Variants in FAM107B observed in about 807,000 individuals in gnomAD.
FAM107B encodes protein FAM107B.
In FAM107B, 21 loss-of-function variants were observed where a neutral mutation model predicts 31.5. The ratio of observed to expected loss-of-function variants is 0.67; its 90% CI spans 0.47 to 0.96. The LOEUF (loss-of-function observed/expected upper bound fraction) is 0.96. Ranked by LOEUF, FAM107B falls within the 40% of genes least tolerant of loss-of-function variation. The probability of loss-of-function intolerance (pLI) is 0.00; values close to 1 mark genes in which losing one functional copy is unlikely to be tolerated. For synonymous variants in FAM107B, 157 were observed against 141.5 expected (o/e 1.11, Z -0.78); for missense variants, 452 against 377.1 (o/e 1.20, Z -1.64).
chr10:14,745,734 T>G (rs74479352), intron 1 of FAM107B, among the ~76,000 whole-genome samples: 310 of 152,306 alleles, frequency 2.0e-3, no homozygotes, highest in African/African-American at 7.2e-3. Context: ...TGTGGTTGAT[T>G]TTAGTGAGTG....
intron 1 of FAM107B, among the ~76,000 whole-genome samples, chr10:14,685,123 C>T (rs1456446805): frequency 6.7e-6 from 1 of 148,728 alleles, no homozygotes; most frequent in Non-Finnish European, 1.5e-5. Flanking sequence ...TCGTCACGCC[C>T]AGCCAATAAC....
chr10:14,658,071 C>A (rs1854116090), intron 2 of FAM107B, among the ~76,000 whole-genome samples: 2 of 152,196 alleles, frequency 1.3e-5, no homozygotes, highest in Non-Finnish European at 2.9e-5. Flanking sequence ...TTCGGCCCCC[C>A]AAAGTGCTGG....
chr10:14,674,332 T>A (rs1417895946), intron 1 of FAM107B, among the ~76,000 whole-genome samples: 1 of 152,058 alleles, frequency 6.6e-6, no homozygotes, highest in Non-Finnish European at 1.5e-5. Flanking sequence ...TGGGAGAAAA[T>A]ATTTGCAAAC....
intron 2 of FAM107B, among the ~76,000 whole-genome samples, chr10:14,573,799 C>T (rs897564571): frequency 8.6e-5 from 13 of 151,954 alleles, no homozygotes; most frequent in African/African-American, 3.1e-4. Context: ...TATTCCACTA[C>T]GGCAGCATAG....
At chr10:14,642,675 G>A (rs1317619555) in intron 2 of FAM107B, among the ~76,000 whole-genome samples, 2 of 151,896 alleles carry the variant, frequency 1.3e-5, no homozygotes, top group East Asian at 1.9e-4. Flanking sequence ...TGTTTCTTTT[G>A]GCTTAATAAT....
At chr10:14,544,687 A>T (rs1237465927) in intron 2 of FAM107B, among the ~76,000 whole-genome samples, 1 of 152,222 alleles carries the variant, frequency 6.6e-6, no homozygotes, top group Non-Finnish European at 1.5e-5. Context: ...ATCAACAGAG[A>T]TGTAGACAAG....
chr10:14,687,810 C>T (rs1855026041), intron 1 of FAM107B, among the ~76,000 whole-genome samples: 1 of 152,202 alleles, frequency 6.6e-6, no homozygotes, highest in Admixed American at 6.5e-5. Flanking sequence ...TCCCTGCACA[C>T]ACATACACAA....
Position 14,556,260 on chromosome 10 carries a change from CGACT to C in FAM107B, c.470-25749_470-25746del, listed in dbSNP as rs1223905089. The C allele has an allele frequency of 1.5e-5, 12 of 777,658 alleles. No individual in the cohort carries two copies. In the South Asian group the frequency reaches 5.3e-4, roughly 34 times the overall value. 48.2% of individuals were successfully genotyped at this position (777,658 alleles called of 1,614,324 possible). A position where few individuals can be genotyped will look rare whatever the true frequency, so the allele number is the denominator to read the frequency against. ...CCCTCGTCCTTCCTGTCATCAGAAC[CGACT>C]GACTGGAAGGCCAGTAATTTGATAT... On this transcript the variant is annotated intron_variant, in intron 2 of 4. Transcript: ENST00000181796.
chr10:14,696,460 CTT>C (rs1855267713), intron 1 of FAM107B, among the ~76,000 whole-genome samples: 1 of 151,852 alleles, frequency 6.6e-6, no homozygotes, highest in East Asian at 1.9e-4. Flanking sequence ...CTTGTAATGT[CTT>C]TGCCTGGCTT....
intron 1 of FAM107B, among the ~76,000 whole-genome samples, chr10:14,678,341 A>AT (rs1464356680): frequency 6.6e-6 from 1 of 152,170 alleles, no homozygotes; most frequent in Non-Finnish European, 1.5e-5. Flanking sequence ...TTTTCTGTCC[A>AT]TTGAACACTA....
intron 2 of FAM107B, among the ~76,000 whole-genome samples, chr10:14,579,379 C>G (rs1314339252): frequency 1.3e-5 from 2 of 152,166 alleles, no homozygotes; most frequent in South Asian, 4.1e-4. Context: ...CTTCAGAAGC[C>G]AGTTACCCGG....
At chr10:14,730,331 A>C (rs1856144542) in intron 1 of FAM107B, among the ~76,000 whole-genome samples, 1 of 152,226 alleles carries the variant, frequency 6.6e-6, no homozygotes, top group African/African-American at 2.4e-5. Context: ...AAAGACGAGA[A>C]CCACTGAACT....
rs547261148 is a variant in FAM107B, at chr10:14,689,413, A to T, written c.412-21722T>A. ...AAAAAAAGAATAAAAATTTTCTTTT[A>T]AAAAAAGAAGCTCCTAGAGAAGGAA... is the stretch of plus-strand genomic sequence containing the variant. On this transcript the variant is annotated intron_variant, in intron 1 of 4. Transcript: ENST00000181796. Among the ~76,000 whole-genome samples, 9 of 151,682 alleles carry T rather than the reference A, an allele frequency of 5.9e-5. No homozygotes were observed. In the South Asian group the frequency reaches 1.5e-3, roughly 25 times the overall value.
intron 2 of FAM107B, among the ~76,000 whole-genome samples, chr10:14,641,888 A>G (rs1241241132): frequency 1.3e-5 from 2 of 152,188 alleles, no homozygotes; most frequent in African/African-American, 4.8e-5. Flanking sequence ...AACAGCTCCA[A>G]GAGTCTTAAC....
intron 1 of FAM107B, among the ~76,000 whole-genome samples, chr10:14,672,094 T>TAA (rs34770517): frequency 3.0e-4 from 4 of 13,404 alleles, no homozygotes; most frequent in South Asian, 4.2e-3. Context: ...TTTTTATTTT[T>TAA]TATTTATTTA....
rs572209083 is a variant in FAM107B, at chr10:14,681,235, T to C, written c.412-13544A>G. Among the ~76,000 whole-genome samples the C allele has an allele frequency of 3.3e-5, 5 of 152,352 alleles. No homozygotes were observed. In the South Asian group the frequency reaches 1.0e-3, roughly 32 times the overall value. ...TGGCCCTACCCCTCTTCAGCAGGCC[T>C]GGGCCTCTGGCTTCTGTGTTAGTTC... On this transcript the variant is annotated intron_variant, in intron 1 of 4. Coordinates refer to ENST00000181796, the MANE Select transcript of FAM107B (RefSeq NM_031453.4).
chr10:14,602,999 C>CACACACACACACACACACACA (rs1564596178), intron 2 of FAM107B: 1 of 146,866 alleles, frequency 6.8e-6, no homozygotes, highest in Admixed American at 6.8e-5. Context: ...ACCCTCTTTC[C>CACACACACACACACACACACA]CACACACACA....
At chr10:14,620,123 A>T (rs1442820456) in intron 2 of FAM107B, among the ~76,000 whole-genome samples, 1 of 145,396 alleles carries the variant, frequency 6.9e-6, no homozygotes, top group African/African-American at 2.6e-5. Flanking sequence ...GGTTCAAGCC[A>T]TTCTCCTGCC....
intron 1 of FAM107B, among the ~76,000 whole-genome samples, chr10:14,679,538 G>A (rs1854777425): frequency 6.6e-6 from 1 of 152,182 alleles, no homozygotes; most frequent in Admixed American, 6.5e-5. Context: ...TGAGATAGCG[G>A]GACTATCATC....
Sources: allele counts gnomAD v4.1 joint callset (sites outside exome capture counted in the v4.1 genomes callset), GRCh38; gene constraint gnomAD v4.1.1; transcripts MANE v1.5; gene names NCBI Gene and HGNC (gene_info 2026-07-23, HGNC 2026-07-21).